Variants in ANTXR1 observed in about 807,000 individuals in gnomAD.
ANTXR1 encodes the protein anthrax toxin receptor 1.
Under a neutral mutation model 78.1 loss-of-function variants are expected in ANTXR1, and 19 were observed. The observed-to-expected ratio is 0.24, with a 90% CI of 0.17 to 0.36. The LOEUF (loss-of-function observed/expected upper bound fraction) is 0.36. Ranked by LOEUF, ANTXR1 falls within the 10% of genes least tolerant of loss-of-function variation. The pLI is 1.00. For missense variants in ANTXR1, 518 were observed against 718.6 expected (o/e 0.72, Z 3.19); for synonymous variants, 273 against 260.5 (o/e 1.05, Z -0.46).
At chr2:69,136,565 T>C (rs1294167846) in intron 12 of ANTXR1, among the ~76,000 whole-genome samples, 1 of 152,176 alleles carries the variant, frequency 6.6e-6, no homozygotes, top group Non-Finnish European at 1.5e-5. Flanking sequence ...TAATGTAAAT[T>C]AGAAAATACT....
At chr2:69,060,437 C>T (rs567632227) in intron 3 of ANTXR1, among the ~76,000 whole-genome samples, 1 of 152,110 alleles carries the variant, frequency 6.6e-6, no homozygotes, top group Non-Finnish European at 1.5e-5. Flanking sequence ...CCTTGTAAAA[C>T]AGTGCTGATG....
intron 1 of ANTXR1, among the ~76,000 whole-genome samples, chr2:69,038,911 A>G (rs6711366): frequency 0.037 from 5,597 of 152,302 alleles, 130 homozygotes; most frequent in Middle Eastern, 0.12. Flanking sequence ...TCTGACTATC[A>G]TTCCATTAAA....
intron 17 of ANTXR1, among the ~76,000 whole-genome samples, chr2:69,232,413 G>A (rs560123430): frequency 2.7e-5 from 4 of 150,420 alleles, no homozygotes; most frequent in African/African-American, 9.8e-5. Flanking sequence ...CTACAATTTA[G>A]CAATAAGGGA....
At chr2:69,034,206 G>A (rs576116166) in intron 1 of ANTXR1, among the ~76,000 whole-genome samples, 190 of 152,274 alleles carry the variant, frequency 1.2e-3, no homozygotes, top group Non-Finnish European at 2.0e-3. Flanking sequence ...AGACACTCTG[G>A]AACTGCTTTC....
intron 6 of ANTXR1, among the ~76,000 whole-genome samples, chr2:69,073,578 T>G (rs965708214): frequency 2.6e-5 from 4 of 152,216 alleles, no homozygotes; most frequent in African/African-American, 9.6e-5. Flanking sequence ...GTAGCAAAGT[T>G]AAATTGTCAT....
intron 3 of ANTXR1, among the ~76,000 whole-genome samples, chr2:69,065,864 A>G (rs1670383999): frequency 6.6e-6 from 1 of 152,226 alleles, no homozygotes; most frequent in South Asian, 2.1e-4. Context: ...AATTGGAGCC[A>G]TAAGGCCATC....
At chr2:69,088,155 C>T (rs1265903910) in intron 8 of ANTXR1, among the ~76,000 whole-genome samples, 1 of 152,270 alleles carries the variant, frequency 6.6e-6, no homozygotes, top group African/African-American at 2.4e-5. Context: ...AATAATACAG[C>T]ATGTGTTTAT....
chr2:69,096,260 G>C lies in ANTXR1; in HGVS notation c.703+5341G>C, dbSNP rs1426962830. On this transcript the variant is annotated intron_variant, in intron 9 of 17. Transcript: ENST00000303714. ...GCAACAGAGCGAGACTCCGTCAAAAGGAAGGAAGGAAGGAAGGAAGGAAGG... is the reference window on the plus strand; with the variant it reads ...GCAACAGAGCGAGACTCCGTCAAAACGAAGGAAGGAAGGAAGGAAGGAAGG... Among the ~76,000 whole-genome samples, 2 of 6,416 alleles carry C rather than the reference G, an allele frequency of 3.1e-4. 1 individual carries two copies. Among genetic ancestry groups the C allele is most frequent in the African/African-American group, 5.2e-3 (2 of 386 alleles). The allele number at this position is 6,416 out of a possible 152,430, so 4.2% of individuals were successfully genotyped here.
chr2:69,068,246 G>A (rs1222175275), intron 3 of ANTXR1, among the ~76,000 whole-genome samples: 1 of 152,180 alleles, frequency 6.6e-6, no homozygotes, highest in East Asian at 1.9e-4. Context: ...CAGTCCTCAA[G>A]GAATTTAAAG....
intron 10 of ANTXR1, among the ~76,000 whole-genome samples, chr2:69,106,669 G>T (rs1276881325): frequency 6.6e-6 from 1 of 152,222 alleles, no homozygotes; most frequent in Admixed American, 6.5e-5. Flanking sequence ...ACCAAGTCAA[G>T]AAACTAGCCC....
At chr2:69,234,176 A>G (rs1011523059) in intron 17 of ANTXR1, among the ~76,000 whole-genome samples, 1 of 152,246 alleles carries the variant, frequency 6.6e-6, no homozygotes, top group African/African-American at 2.4e-5. Flanking sequence ...CAATATTACA[A>G]TATGTTGTGG....
intron 12 of ANTXR1, among the ~76,000 whole-genome samples, chr2:69,124,889 C>A (rs958423047): frequency 2.0e-5 from 3 of 152,114 alleles, no homozygotes; most frequent in Admixed American, 6.6e-5. Flanking sequence ...AAGGGGAGAT[C>A]TAAAGTCACT....
chr2:69,057,165 G>A lies in ANTXR1; in HGVS notation c.296+12352G>A, dbSNP rs79098920. On this transcript the variant is annotated intron_variant, in intron 3 of 17. Coordinates refer to ENST00000303714, the MANE Select transcript of ANTXR1 (RefSeq NM_032208.3). Reference sequence around the variant, plus strand: ...AATAACATACCACCTGTACTTACCTGCTCTCTTATTCATAGACAATTTGTT... The same window carrying A: ...AATAACATACCACCTGTACTTACCTACTCTCTTATTCATAGACAATTTGTT... Among the ~76,000 whole-genome samples the A allele has an allele frequency of 1.9e-4, 29 of 151,984 alleles. No individual in the cohort carries two copies. The East Asian group carries it at 4.2e-3, about 22-fold the overall frequency.
intron 12 of ANTXR1, among the ~76,000 whole-genome samples, chr2:69,133,750 A>C (rs935135245): frequency 2.0e-5 from 3 of 152,220 alleles, no homozygotes; most frequent in African/African-American, 7.2e-5. Context: ...TCAGAGCCTC[A>C]TACTCAGCCC....
At chr2:69,188,847 A>C (rs865822749) in intron 16 of ANTXR1, among the ~76,000 whole-genome samples, 7 of 152,246 alleles carry the variant, frequency 4.6e-5, no homozygotes, top group African/African-American at 1.7e-4. Context: ...ACTGTTTAGA[A>C]GACTCTTCTA....
At chr2:69,029,529 A>G (rs1671461798) in intron 1 of ANTXR1, among the ~76,000 whole-genome samples, 1 of 151,752 alleles carries the variant, frequency 6.6e-6, no homozygotes, top group African/African-American at 2.4e-5. Flanking sequence ...TTCTTAAAAT[A>G]TAAGAATAGA....
At chr2:69,076,599 A>T (rs1354657530) in intron 7 of ANTXR1, among the ~76,000 whole-genome samples, 1 of 152,228 alleles carries the variant, frequency 6.6e-6, no homozygotes, top group Non-Finnish European at 1.5e-5. Context: ...TTGTATGTTC[A>T]CATAGAAAAA....
intron 17 of ANTXR1, among the ~76,000 whole-genome samples, chr2:69,215,037 A>G (rs1162062967): frequency 6.6e-6 from 1 of 152,110 alleles, no homozygotes; most frequent in Non-Finnish European, 1.5e-5. Flanking sequence ...CATCTGGTCC[A>G]CAAGAAAGAC....
At chr2:69,129,170 C>G (rs1174411110) in intron 12 of ANTXR1, among the ~76,000 whole-genome samples, 1 of 152,210 alleles carries the variant, frequency 6.6e-6, no homozygotes, top group Non-Finnish European at 1.5e-5. Context: ...CTTTTCTTCA[C>G]CAAACTCCAG....
Sources: gnomAD v4.1 joint callset for allele counts (sites outside exome capture counted in the v4.1 genomes callset) on GRCh38, gnomAD v4.1.1 for gene constraint, MANE v1.5 for transcripts, NCBI Gene and HGNC (gene_info 2026-07-23, HGNC 2026-07-21) for gene names.